Variants in SHC3 observed in about 807,000 individuals in gnomAD.
SHC3 encodes SHC-transforming protein 3.
SHC3 carries 15 observed loss-of-function variants against 60.4 expected under a neutral mutation model. The observed-to-expected ratio is 0.25, with a 90% CI of 0.17 to 0.38. The LOEUF is 0.38. Among genes scored for constraint, SHC3 ranks in the 10% least tolerant of loss-of-function variants. The probability of loss-of-function intolerance (pLI) is 1.00; values close to 1 mark genes in which losing one functional copy is unlikely to be tolerated. For synonymous variants in SHC3, 294 were observed against 325.9 expected (o/e 0.90, Z 1.05); for missense variants, 677 against 786.1 (o/e 0.86, Z 1.66).
chr9:89,087,140 A>C (rs1317892055), intron 2 of SHC3, among the ~76,000 whole-genome samples: 1 of 152,216 alleles, frequency 6.6e-6, no homozygotes, highest in Non-Finnish European at 1.5e-5. Flanking sequence ...AGTCCACAGG[A>C]GAACTGGAAT....
chr9:89,177,951 C>T (rs1826967007), intron 1 of SHC3, 36 bp downstream of exon 1: 2 of 1,195,480 alleles, frequency 1.7e-6, no homozygotes, highest in Non-Finnish European at 1.0e-6. Context: ...GGCCCCAGAA[C>T]CCCCAGCCCC....
Position 89,011,526 on chromosome 9 carries a change from C to T in SHC3, c.*1921G>A, listed in dbSNP as rs1826013374. 1 of 152,218 alleles carries T rather than the reference C, an allele frequency of 6.6e-6. No individual in the cohort carries two copies. 9.4% of individuals were successfully genotyped at this position (152,218 alleles called of 1,614,324 possible). On this transcript the variant is annotated 3_prime_UTR_variant, in exon 12 of 12. Transcript: ENST00000375835. ...GAGCTGTGTGTGTCTCTCCAGGGCTCCCAGCCTCCCAGAGGACAGATGTGC... is the reference window on the plus strand; with the variant it reads ...GAGCTGTGTGTGTCTCTCCAGGGCTTCCAGCCTCCCAGAGGACAGATGTGC...
chr9:89,168,652 T>G (rs1826825299), intron 1 of SHC3, among the ~76,000 whole-genome samples: 1 of 152,160 alleles, frequency 6.6e-6, no homozygotes, highest in African/African-American at 2.4e-5. Context: ...ATGTATATTT[T>G]GGGGGTGAAC....
chr9:89,083,670 G>C (rs1825481808), intron 2 of SHC3, among the ~76,000 whole-genome samples: 1 of 152,210 alleles, frequency 6.6e-6, no homozygotes, highest in Admixed American at 6.5e-5. Context: ...AAGACCATTT[G>C]GAGAAGAAGC....
intron 2 of SHC3, among the ~76,000 whole-genome samples, chr9:89,091,902 C>T (rs979523124): frequency 6.6e-6 from 1 of 152,004 alleles, no homozygotes; most frequent in African/African-American, 2.4e-5. Context: ...AAAACTCCCA[C>T]AAATTGATAA....
intron 6 of SHC3, among the ~76,000 whole-genome samples, chr9:89,059,413 A>G (rs1364808825): frequency 7.9e-6 from 1 of 127,382 alleles, no homozygotes; most frequent in Non-Finnish European, 1.6e-5. Context: ...ATGATGGTGG[A>G]GGATTTAGTG....
intron 6 of SHC3, among the ~76,000 whole-genome samples, chr9:89,054,209 G>C (rs945992849): frequency 6.6e-6 from 1 of 152,168 alleles, no homozygotes; most frequent in African/African-American, 2.4e-5. Flanking sequence ...TGTGGAGCAG[G>C]TCAGGGCTTG....
chr9:89,031,353 A>G (rs1175301554), intron 11 of SHC3, among the ~76,000 whole-genome samples: 1 of 152,128 alleles, frequency 6.6e-6, no homozygotes, highest in Non-Finnish European at 1.5e-5. Context: ...TCATCACCAT[A>G]AAAAGAAATG....
At chr9:89,057,321 T>C (rs753143647) in intron 6 of SHC3, among the ~76,000 whole-genome samples, 148 of 147,146 alleles carry the variant, frequency 1.0e-3, no homozygotes, top group Middle Eastern at 7.1e-3. Flanking sequence ...TTTTCTTTTT[T>C]TTTTTTTTTT....
At chr9:89,154,280 C>A (rs1184661841) in intron 1 of SHC3, among the ~76,000 whole-genome samples, 1 of 151,882 alleles carries the variant, frequency 6.6e-6, no homozygotes, top group African/African-American at 2.4e-5. Flanking sequence ...TTTTCTTCTT[C>A]CAATGTGGCC....
chr9:89,053,422 G>A (rs1270669802), intron 6 of SHC3, among the ~76,000 whole-genome samples: 1 of 152,214 alleles, frequency 6.6e-6, no homozygotes, highest in Non-Finnish European at 1.5e-5. Context: ...AGGGGACAGA[G>A]AGACAGACAC....
At chr9:89,163,825 A>C (rs1050211968) in intron 1 of SHC3, among the ~76,000 whole-genome samples, 1 of 151,772 alleles carries the variant, frequency 6.6e-6, no homozygotes, top group African/African-American at 2.4e-5. Flanking sequence ...TGGAATCTGG[A>C]CATCCTAGAT....
intron 1 of SHC3, among the ~76,000 whole-genome samples, chr9:89,171,072 A>G (rs1231395042): frequency 6.6e-6 from 1 of 152,194 alleles, no homozygotes; most frequent in African/African-American, 2.4e-5. Flanking sequence ...CCAGGCAAAG[A>G]ACACTCAAAA....
At chr9:89,041,243 A>G (rs1824682372) in intron 10 of SHC3, among the ~76,000 whole-genome samples, 1 of 152,220 alleles carries the variant, frequency 6.6e-6, no homozygotes, top group Non-Finnish European at 1.5e-5. Context: ...TTCATGAACG[A>G]TTTAATTTCC....
chr9:89,021,080 G>A (rs568679331), intron 11 of SHC3, among the ~76,000 whole-genome samples: 5 of 152,328 alleles, frequency 3.3e-5, no homozygotes, highest in African/African-American at 1.2e-4. Context: ...GGAGATGCCC[G>A]CCAGTTGCAC....
At chr9:89,152,522 A>G in intron 1 of SHC3, among the ~76,000 whole-genome samples, 1 of 152,200 alleles carries the variant, frequency 6.6e-6, no homozygotes, top group Non-Finnish European at 1.5e-5. Flanking sequence ...CAAGTCCACC[A>G]CACATGTTCT....
intron 1 of SHC3, among the ~76,000 whole-genome samples, chr9:89,123,915 T>C (rs1826126720): frequency 6.6e-6 from 1 of 152,202 alleles, no homozygotes; most frequent in African/African-American, 2.4e-5. Context: ...GAACATTTTA[T>C]TGTTAGTATG....
At chr9:89,111,920 C>A (rs1004661256) in intron 2 of SHC3, among the ~76,000 whole-genome samples, 9 of 152,230 alleles carry the variant, frequency 5.9e-5, no homozygotes, top group Admixed American at 2.0e-4. Context: ...CCTCTTCAAG[C>A]TGGCTTGAAA....
intron 1 of SHC3, among the ~76,000 whole-genome samples, chr9:89,135,279 T>C (rs1412051127): frequency 7.2e-5 from 11 of 152,128 alleles, no homozygotes; most frequent in Non-Finnish European, 1.3e-4. Context: ...GCAGGGTTCC[T>C]GACCTGTGGT....
Sources: gnomAD v4.1 joint callset for allele counts (sites outside exome capture counted in the v4.1 genomes callset) on GRCh38, gnomAD v4.1.1 for gene constraint, MANE v1.5 for transcripts, NCBI Gene and HGNC (gene_info 2026-07-23, HGNC 2026-07-21) for gene names.